TRAPPC2L: variants seen among roughly 807,000 people sequenced by gnomAD.
TRAPPC2L encodes trafficking protein particle complex subunit 2L.
A neutral mutation model predicts 13.2 loss-of-function variants in TRAPPC2L; 17 were observed. The ratio of observed to expected loss-of-function variants is 1.29; its 90% CI spans 0.88 to 1.93. The LOEUF (loss-of-function observed/expected upper bound fraction) is 1.93. Ranked by LOEUF, TRAPPC2L falls within the 30% of genes most tolerant of loss-of-function variation. The pLI is 0.00. For synonymous variants in TRAPPC2L, 150 were observed against 98.1 expected, an observed-to-expected ratio of 1.53 and a Z score of -3.12; for missense variants, 359 against 252.1, an observed-to-expected ratio of 1.42 and a Z score of -2.87.
At chr16:88,861,577 T>G (rs1968392325) in exon 4 of TRAPPC2L, 1 of 469,140 alleles carries the variant, frequency 2.1e-6, no homozygotes, top group Non-Finnish European at 4.4e-6. Context: ...GAGCGCAGAC[T>G]TGAGGCACCC....
chr16:88,856,766 T>A (rs1306083557), upstream of TRAPPC2L: 2 of 1,467,026 alleles, frequency 1.4e-6, no homozygotes, highest in Admixed American at 2.0e-5. Context: ...ACGTCGTCCA[T>A]GAGCAGGAGC....
chr16:88,861,634 T>A, exon 4 of TRAPPC2L: 1 of 497,356 alleles, frequency 2.0e-6, no homozygotes, highest in Non-Finnish European at 4.1e-6. Context: ...TGTCACTTGA[T>A]GACGTGGCTG....
intron 1 of TRAPPC2L, among the ~76,000 whole-genome samples, chr16:88,858,286 C>T (rs1968115430): frequency 6.6e-6 from 1 of 152,216 alleles, no homozygotes; most frequent in Non-Finnish European, 1.5e-5. Context: ...TAGAGGTGGG[C>T]TGAGGCAGAG....
At chr16:88,859,273 C>T in intron 2 of TRAPPC2L, 1 of 580,298 alleles carries the variant, frequency 1.7e-6, no homozygotes. Flanking sequence ...TTGCTAGTAG[C>T]CACTATTTTA....
intron 2 of TRAPPC2L, 26 bp downstream of exon 2, chr16:88,858,817 C>A: frequency 6.3e-7 from 1 of 1,599,126 alleles, no homozygotes; most frequent in South Asian, 1.1e-5. Flanking sequence ...GGGTGTGTGT[C>A]AGGGAGGACC....
At chr16:88,856,959 C>T (rs1209344536), upstream of TRAPPC2L, 2 of 1,428,628 alleles carry the variant, frequency 1.4e-6, no homozygotes, top group Admixed American at 3.0e-5. Context: ...GGCTGCGGGG[C>T]GGGGCCTGGA....
chr16:88,859,615 C>T (rs1016428526), intron 2 of TRAPPC2L, 48 bp from the exon 3 acceptor site: 1 of 1,566,778 alleles, frequency 6.4e-7, no homozygotes, highest in Non-Finnish European at 8.8e-7. Flanking sequence ...GAGGGCCCTC[C>T]ACCGGCAGTC....
At chr16:88,856,935 G>A (rs1244075467), upstream of TRAPPC2L, 13 of 1,466,382 alleles carry the variant, frequency 8.9e-6, no homozygotes, top group Middle Eastern at 2.4e-4. Context: ...AGCGTCCGCC[G>A]GCCCTTCCGG....
chr16:88,857,148 A>C, exon 1 of TRAPPC2L: 1 of 1,580,488 alleles, frequency 6.3e-7, no homozygotes, highest in Non-Finnish European at 8.6e-7. Flanking sequence ...CGAGCCTCCC[A>C]AGATGGCGGT....
Position 88,861,163 on chromosome 16 carries a change from C to G in TRAPPC2L, c.*839C>G, listed in dbSNP as rs568213304. The G allele has an allele frequency of 2.4e-4, 144 of 599,060 alleles. 1 individual carries two copies. In the South Asian group the frequency reaches 2.7e-3, roughly 11 times the overall value. 37.1% of individuals were successfully genotyped at this position (599,060 alleles called of 1,614,324 possible). On this transcript the variant is annotated 3_prime_UTR_variant, in exon 4 of 4. Transcript: ENST00000565504. ...GCCAAGGATTTAATTAAGAAGAATT[C>G]AACTAAGGACTTTTCTGGGGTGTGG...
exon 4 of TRAPPC2L, chr16:88,860,886 C>T (rs780898740): frequency 7.7e-5 from 121 of 1,579,948 alleles, no homozygotes; most frequent in Non-Finnish European, 1.0e-4. Context: ...CCTGGCTCTC[C>T]TCTGAGTGGG....
chr16:88,861,054 T>C (rs14489), exon 4 of TRAPPC2L: 52,266 of 1,284,778 alleles, frequency 0.041, 3,315 homozygotes, highest in African/African-American at 0.28. Flanking sequence ...ATGGGACGCC[T>C]GGGGCTTTCA....
upstream of TRAPPC2L, chr16:88,856,970 C>A: frequency 7.1e-7 from 1 of 1,403,578 alleles, no homozygotes; most frequent in South Asian, 1.5e-5. Flanking sequence ...GGGGCCTGGA[C>A]GGCCACGTGA....
intron 3 of TRAPPC2L, 68 bp from the exon 4 acceptor site, chr16:88,859,825 G>A: frequency 6.3e-7 from 1 of 1,585,664 alleles, no homozygotes; most frequent in Non-Finnish European, 8.6e-7. Context: ...TTGAAATGCT[G>A]AGAAACTAAA....
At chr16:88,859,951 C>G (rs200355448) in exon 4 of TRAPPC2L, 2 of 1,514,208 alleles carry the variant, frequency 1.3e-6, no homozygotes, top group South Asian at 2.2e-5. Context: ...TTCTACAACC[C>G]GGGGGACCGC....
Position 88,861,263 on chromosome 16 carries a change from G to T in TRAPPC2L, c.*939G>T, listed in dbSNP as rs1597631873. ...AAAGGGGCAGAGGCAGGGGTGCCTG[G>T]AGCCAAGAGTTCCTGAGCCTGCAGG... On this transcript the variant is annotated 3_prime_UTR_variant, in exon 4 of 4. Coordinates refer to ENST00000565504, the Ensembl canonical transcript of TRAPPC2L. 3.0e-5 allele frequency: 13 copies of T among 439,434 alleles called. No homozygotes were observed. In the East Asian group the frequency reaches 6.1e-4, roughly 21 times the overall value. The allele number at this position is 439,434 out of a possible 1,614,324, so 27.2% of individuals were successfully genotyped here.
exon 4 of TRAPPC2L, chr16:88,861,984 C>T: frequency 4.7e-6 from 1 of 212,558 alleles, no homozygotes. Context: ...CCCCAGGCCT[C>T]CCCCGCCCCA....
chr16:88,861,709 A>C (rs938694125), exon 4 of TRAPPC2L: 2 of 470,270 alleles, frequency 4.3e-6, no homozygotes, highest in African/African-American at 4.0e-5. Context: ...CTTGGGGTCC[A>C]GCGGTCAAGG....
At chr16:88,858,598 C>T (rs761483364) in intron 1 of TRAPPC2L, 21 bp from the exon 2 acceptor site, 22 of 1,608,336 alleles carry the variant, frequency 1.4e-5, no homozygotes, top group East Asian at 4.5e-5. Flanking sequence ...TCCTTTCAGT[C>T]GCCGTCATCC....
Sources: allele counts gnomAD v4.1 joint callset (sites outside exome capture counted in the v4.1 genomes callset), GRCh38; gene constraint gnomAD v4.1.1; transcripts MANE v1.5; gene names NCBI Gene and HGNC (gene_info 2026-07-23, HGNC 2026-07-21).